The following HS6ST3 variants were observed in gnomAD, a reference collection of about 807,000 sequenced individuals.
The protein encoded by HS6ST3 is heparan sulfate 6-O-sulfotransferase 3.
HS6ST3 carries 12 observed loss-of-function variants against 36.7 expected under a neutral mutation model. That is an observed-to-expected ratio of 0.33 (90% CI 0.21 to 0.53). The LOEUF is 0.53. Among genes scored for constraint, HS6ST3 ranks in the 20% least tolerant of loss-of-function variants. The probability of loss-of-function intolerance (pLI) is 0.95; values close to 1 mark genes in which losing one functional copy is unlikely to be tolerated. For missense variants in HS6ST3, 584 were observed against 640.9 expected, an observed-to-expected ratio of 0.91 and a Z score of 0.96; for synonymous variants, 240 against 257.5, an observed-to-expected ratio of 0.93 and a Z score of 0.65.
Position 96,436,097 on chromosome 13 carries a change from G to A in HS6ST3, c.707+344528G>A, listed in dbSNP as rs2055640353. ...TTTTTCTGCAAGGAATTGGAAGTTA[G>A]AATGCCCAAGCACTCATGGCTGTGT... On this transcript the variant is annotated intron_variant, in intron 1 of 1. Transcript: ENST00000376705. 2.6e-5 allele frequency among the ~76,000 whole-genome samples: 4 copies of A among 152,278 alleles called. No individual in the cohort carries two copies. The South Asian group carries it at 8.3e-4, about 32-fold the overall frequency.
chr13:96,640,521 G>C (rs547143269), intron 1 of HS6ST3, among the ~76,000 whole-genome samples: 35 of 151,748 alleles, frequency 2.3e-4, no homozygotes, highest in African/African-American at 7.7e-4. Flanking sequence ...TAGGGTTTCT[G>C]TTTATTATAG....
intron 1 of HS6ST3, among the ~76,000 whole-genome samples, chr13:96,264,766 T>G (rs2054683499): frequency 6.6e-6 from 1 of 152,250 alleles, no homozygotes; most frequent in Non-Finnish European, 1.5e-5. Context: ...CCATGGGTTA[T>G]TTCTAAATGG....
At chr13:96,445,785 T>C (rs1439382008) in intron 1 of HS6ST3, among the ~76,000 whole-genome samples, 3 of 151,830 alleles carry the variant, frequency 2.0e-5, no homozygotes, top group East Asian at 3.9e-4. Context: ...TAAGAATCAC[T>C]TGGACCCAGG....
intron 1 of HS6ST3, among the ~76,000 whole-genome samples, chr13:96,476,570 C>T (rs936430822): frequency 1.3e-5 from 2 of 152,136 alleles, no homozygotes; most frequent in Non-Finnish European, 2.9e-5. Flanking sequence ...ACCTTGTTAG[C>T]CAGGATCGTC....
intron 1 of HS6ST3, among the ~76,000 whole-genome samples, chr13:96,154,477 T>C (rs1180433470): frequency 6.6e-6 from 1 of 152,156 alleles, no homozygotes; most frequent in Non-Finnish European, 1.5e-5. Context: ...TTTCATCTAT[T>C]AATGATGGTG....
At chr13:96,094,818 G>A (rs1345044553) in intron 1 of HS6ST3, among the ~76,000 whole-genome samples, 4 of 152,126 alleles carry the variant, frequency 2.6e-5, no homozygotes, top group East Asian at 3.8e-4. Context: ...GTGGCACATC[G>A]GAATTACCTC....
At position 96,682,417 on chromosome 13, in the gene HS6ST3, C is replaced by T. The variant is rs147031987; in HGVS notation, c.708-150073C>T. ...ATGTTTAGTTCATCTTTTGTTCCTA[C>T]GCAGTTATATTTAAAGATTTGTAGA... On this transcript the variant is annotated intron_variant, in intron 1 of 1. Coordinates refer to ENST00000376705, the MANE Select transcript of HS6ST3 (RefSeq NM_153456.4). Among the ~76,000 whole-genome samples, 886 of 152,152 alleles carry T rather than the reference C, an allele frequency of 5.8e-3. 7 individuals carry two copies. The highest frequency in any genetic ancestry group is 0.014 in the African/African-American group (570 of 41,516).
chr13:96,755,613 T>G (rs1876808295), intron 1 of HS6ST3, among the ~76,000 whole-genome samples: 1 of 152,186 alleles, frequency 6.6e-6, no homozygotes, highest in African/African-American at 2.4e-5. Context: ...TCCACCTGCT[T>G]TGGCCTCCCA....
intron 1 of HS6ST3, among the ~76,000 whole-genome samples, chr13:96,239,978 C>A (rs2054552549): frequency 1.3e-5 from 2 of 152,084 alleles, no homozygotes; most frequent in African/African-American, 4.8e-5. Flanking sequence ...ACTTTGGAAT[C>A]TTTGATGCTT....
At chr13:96,597,081 T>A (rs2056404348) in intron 1 of HS6ST3, among the ~76,000 whole-genome samples, 1 of 152,038 alleles carries the variant, frequency 6.6e-6, no homozygotes, top group African/African-American at 2.4e-5. Context: ...AGCAAACTAA[T>A]GCAGGAACAG....
chr13:96,566,668 A>G (rs979072278), intron 1 of HS6ST3, among the ~76,000 whole-genome samples: 1 of 152,154 alleles, frequency 6.6e-6, no homozygotes, highest in Non-Finnish European at 1.5e-5. Flanking sequence ...AAAACTAGAC[A>G]TAATTGTAGG....
intron 1 of HS6ST3, among the ~76,000 whole-genome samples, chr13:96,828,864 A>AT (rs1878706639): frequency 6.6e-6 from 1 of 152,186 alleles, no homozygotes; most frequent in Non-Finnish European, 1.5e-5. Flanking sequence ...TGAAAAAAGT[A>AT]TTTTTTTCTA....
chr13:96,548,899 C>T (rs2056207904), intron 1 of HS6ST3, among the ~76,000 whole-genome samples: 2 of 152,206 alleles, frequency 1.3e-5, no homozygotes, highest in South Asian at 4.1e-4. Flanking sequence ...CAAAAACACT[C>T]TTGTGGAAGT....
chr13:96,720,042 T>A (rs1268444253), intron 1 of HS6ST3, among the ~76,000 whole-genome samples: 1 of 152,180 alleles, frequency 6.6e-6, no homozygotes, highest in Admixed American at 6.5e-5. Context: ...CACCAAAGCA[T>A]CAGTTATGTC....
At chr13:96,805,866 T>C (rs1486534485) in intron 1 of HS6ST3, among the ~76,000 whole-genome samples, 1 of 152,164 alleles carries the variant, frequency 6.6e-6, no homozygotes, top group Non-Finnish European at 1.5e-5. Context: ...TTACTTTACA[T>C]TGATATCCAA....
At chr13:96,644,656 C>T (rs2056581658) in intron 1 of HS6ST3, among the ~76,000 whole-genome samples, 1 of 151,884 alleles carries the variant, frequency 6.6e-6, no homozygotes, top group African/African-American at 2.4e-5. Flanking sequence ...TGAGGACTGG[C>T]TTCATAACAT....
chr13:96,390,282 G>A (rs2055389198), intron 1 of HS6ST3, among the ~76,000 whole-genome samples: 1 of 152,152 alleles, frequency 6.6e-6, no homozygotes, highest in Admixed American at 6.6e-5. Flanking sequence ...ATTGCTAAAT[G>A]TACTGCTATG....
intron 1 of HS6ST3, among the ~76,000 whole-genome samples, chr13:96,566,220 A>T (rs2056280767): frequency 1.3e-5 from 2 of 152,142 alleles, no homozygotes; most frequent in African/African-American, 4.8e-5. Flanking sequence ...ATCAATACAG[A>T]AAGCTAACAT....
chr13:96,317,605 GCT>G (rs2139412965), intron 1 of HS6ST3, among the ~76,000 whole-genome samples: 1 of 151,218 alleles, frequency 6.6e-6, no homozygotes, highest in South Asian at 2.1e-4. Flanking sequence ...TTGAATGGTA[GCT>G]CTGTTTTAAG....
Sources: gnomAD v4.1 joint callset for allele counts (sites outside exome capture counted in the v4.1 genomes callset) on GRCh38, gnomAD v4.1.1 for gene constraint, MANE v1.5 for transcripts, NCBI Gene and HGNC (gene_info 2026-07-23, HGNC 2026-07-21) for gene names.